The following ARHGAP32 variants were observed in gnomAD, a reference collection of about 807,000 sequenced individuals.
ARHGAP32 encodes the protein Rho GTPase activating protein 32.
Under a neutral mutation model 186.5 loss-of-function variants are expected in ARHGAP32, and 51 were observed. That is an observed-to-expected ratio of 0.27 (90% CI 0.22 to 0.35). The LOEUF (loss-of-function observed/expected upper bound fraction) is 0.35. Ranked by LOEUF, ARHGAP32 falls within the 10% of genes least tolerant of loss-of-function variation. The pLI, the probability that ARHGAP32 is intolerant of heterozygous loss-of-function variation, is 1.00. For synonymous variants in ARHGAP32, 950 were observed against 964.3 expected, an observed-to-expected ratio of 0.99 and a Z score of 0.27; for missense variants, 2,186 against 2,623.5, an observed-to-expected ratio of 0.83 and a Z score of 3.64.
At chr11:129,168,659 T>C (rs1943688883) in intron 1 of ARHGAP32, among the ~76,000 whole-genome samples, 1 of 152,198 alleles carries the variant, frequency 6.6e-6, no homozygotes, top group Non-Finnish European at 1.5e-5. Flanking sequence ...AATTTTCCAA[T>C]GTGAACTAAC....
chr11:129,035,852 A>G (rs1427795393), intron 11 of ARHGAP32, among the ~76,000 whole-genome samples: 1 of 152,050 alleles, frequency 6.6e-6, no homozygotes, highest in African/African-American at 2.4e-5. Context: ...AAAAAAAGAA[A>G]AAAAAAGCAC....
At chr11:129,153,097 C>A (rs576324738) in intron 2 of ARHGAP32, among the ~76,000 whole-genome samples, 1 of 151,118 alleles carries the variant, frequency 6.6e-6, no homozygotes, top group Admixed American at 6.6e-5. Flanking sequence ...ACAACAGCAA[C>A]GAAGCTGAGA....
chr11:129,030,057 C>A (rs1591546783), intron 11 of ARHGAP32, among the ~76,000 whole-genome samples: 1 of 152,234 alleles, frequency 6.6e-6, no homozygotes. Context: ...CTTCCCAAGG[C>A]ACTTTAGCAT....
intron 21 of ARHGAP32, 125 bp from the exon 22 acceptor site, chr11:128,973,557 C>T: frequency 9.9e-6 from 10 of 1,005,724 alleles, no homozygotes; most frequent in Non-Finnish European, 1.3e-5. Flanking sequence ...AAATGGCAAT[C>T]CATGATCTTC....
chr11:129,198,287 C>T lies in ARHGAP32; in HGVS notation c.-4-33860G>A, dbSNP rs182251602. Among the ~76,000 whole-genome samples the T allele has an allele frequency of 1.4e-3, 211 of 152,244 alleles. 1 individual carries two copies. Among genetic ancestry groups the T allele is most frequent in the Non-Finnish European group, 2.5e-3 (169 of 68,020 alleles). Reference sequence around the variant, plus strand: ...ACCAGAAAAAATAGAAATGGAGGTACTGTATTTTGAAGTCAAACAAGCTCA... The same window carrying T: ...ACCAGAAAAAATAGAAATGGAGGTATTGTATTTTGAAGTCAAACAAGCTCA... On this transcript the variant is annotated intron_variant, in intron 1 of 6. Transcript: ENST00000525234.
chr11:129,098,939 T>C (rs1255150200), intron 5 of ARHGAP32, among the ~76,000 whole-genome samples: 1 of 151,934 alleles, frequency 6.6e-6, no homozygotes, highest in Non-Finnish European at 1.5e-5. Flanking sequence ...GTAATCCTCA[T>C]GGCAACCACA....
intron 12 of ARHGAP32, among the ~76,000 whole-genome samples, chr11:128,997,867 G>A (rs7121528): frequency 6.6e-5 from 10 of 152,060 alleles, no homozygotes; most frequent in East Asian, 3.9e-4. Flanking sequence ...GCACTCCAGC[G>A]TGGGCAACAA....
chr11:129,267,610 A>G (rs773917912), intron 1 of ARHGAP32, among the ~76,000 whole-genome samples: 4 of 152,350 alleles, frequency 2.6e-5, no homozygotes, highest in Non-Finnish European at 5.9e-5. Flanking sequence ...ATGGAGTTTT[A>G]TTTGATAAAA....
intron 5 of ARHGAP32, among the ~76,000 whole-genome samples, chr11:129,120,395 G>C (rs907795541): frequency 2.6e-5 from 4 of 152,052 alleles, no homozygotes; most frequent in African/African-American, 9.7e-5. Context: ...AAGATGCAGG[G>C]AAGTCAGTTG....
intron 1 of ARHGAP32, among the ~76,000 whole-genome samples, chr11:129,206,060 A>T (rs1384443156): frequency 1.3e-5 from 2 of 152,142 alleles, no homozygotes; most frequent in Non-Finnish European, 2.9e-5. Flanking sequence ...CCTAGATATC[A>T]TATCATTTCA....
intron 6 of ARHGAP32, among the ~76,000 whole-genome samples, chr11:129,070,976 G>A (rs1385173308): frequency 2.0e-5 from 3 of 151,512 alleles, no homozygotes; most frequent in Non-Finnish European, 2.9e-5. Flanking sequence ...TGAGTATATT[G>A]TATATTACTA....
At chr11:129,168,809 G>A (rs1043331061) in intron 1 of ARHGAP32, among the ~76,000 whole-genome samples, 12 of 151,918 alleles carry the variant, frequency 7.9e-5, no homozygotes, top group South Asian at 4.2e-4. Flanking sequence ...CATGAATCAC[G>A]TTTTATAACC....
chr11:129,060,072 A>G (rs1297270128), intron 10 of ARHGAP32, among the ~76,000 whole-genome samples: 1 of 152,186 alleles, frequency 6.6e-6, no homozygotes, highest in Non-Finnish European at 1.5e-5. Flanking sequence ...CTAGTTTTAG[A>G]CTAGTTAATT....
rs146493424 is a variant in ARHGAP32, at chr11:128,977,346, G to A, written c.2123-712C>T. On this transcript the variant is annotated intron_variant, in intron 19 of 22. Coordinates refer to ENST00000682385, the MANE Select transcript of ARHGAP32 (RefSeq NM_001378024.1). ...CTCTTTAACCCCTTGGCAGCACTAC[G>A]AACACTTTCTTTTTAACCCCCTCCT... Among the ~76,000 whole-genome samples, 5 of 152,176 alleles carry A rather than the reference G, an allele frequency of 3.3e-5. No individual in the cohort carries two copies. In the East Asian group the frequency reaches 5.8e-4, roughly 18 times the overall value.
rs1049461496 is a variant in ARHGAP32, at chr11:128,967,382, C to G, written c.*1525G>C. ...AATGCAATTCTCCTAGTGTCTTCTA[C>G]AGACCGAGCATTTAAAATACGTGAA... On this transcript the variant is annotated 3_prime_UTR_variant, in exon 23 of 23. Coordinates refer to ENST00000682385, the MANE Select transcript of ARHGAP32 (RefSeq NM_001378024.1). 3.3e-5 allele frequency: 5 copies of G among 152,168 alleles called. No individual in the cohort carries two copies. Among genetic ancestry groups the G allele is most frequent in the African/African-American group, 1.2e-4 (5 of 41,438 alleles). The allele number at this position is 152,168 out of a possible 1,614,324, so 9.4% of individuals were successfully genotyped here.
intron 1 of ARHGAP32, among the ~76,000 whole-genome samples, chr11:129,269,873 G>C (rs1485253299): frequency 6.6e-6 from 1 of 152,156 alleles, no homozygotes; most frequent in Admixed American, 6.5e-5. Context: ...ACCAAATGTG[G>C]ACAAGGATGT....
chr11:129,111,520 C>T (rs1297018368), intron 5 of ARHGAP32, among the ~76,000 whole-genome samples: 1 of 152,136 alleles, frequency 6.6e-6, no homozygotes, highest in Non-Finnish European at 1.5e-5. Flanking sequence ...TGAAGCCATC[C>T]ATTCCTGAGA....
chr11:129,216,269 T>C (rs1011145917), intron 1 of ARHGAP32, among the ~76,000 whole-genome samples: 1 of 152,208 alleles, frequency 6.6e-6, no homozygotes, highest in Non-Finnish European at 1.5e-5. Flanking sequence ...AGGCCACTAT[T>C]CAGACTACCA....
chr11:129,050,984 A>T (rs1292244553), intron 10 of ARHGAP32, among the ~76,000 whole-genome samples: 3 of 151,968 alleles, frequency 2.0e-5, no homozygotes, highest in African/African-American at 7.3e-5. Flanking sequence ...TCCTTTTTTT[A>T]TGGCTGCATA....
Sources: allele counts gnomAD v4.1 joint callset (sites outside exome capture counted in the v4.1 genomes callset), GRCh38; gene constraint gnomAD v4.1.1; transcripts MANE v1.5; gene names NCBI Gene and HGNC (gene_info 2026-07-23, HGNC 2026-07-21).